SCHIP1: variants seen among roughly 807,000 people sequenced by gnomAD.
SCHIP1 encodes schwannomin interacting protein 1, also known as schwannomin-interacting protein 1.
A neutral mutation model predicts 29.7 loss-of-function variants in SCHIP1; 8 were observed. The ratio of observed to expected loss-of-function variants is 0.27; its 90% CI spans 0.16 to 0.49. SCHIP1 has a LOEUF of 0.49. Ranked by LOEUF, SCHIP1 falls within the 20% of genes least tolerant of loss-of-function variation. SCHIP1 has a pLI of 0.99. For missense variants in SCHIP1, 193 were observed against 294.6 expected (o/e 0.66, Z 2.52); for synonymous variants, 76 against 94.9 (o/e 0.80, Z 1.16).
chr3:159,824,494 T>C, the SCHIP1 span, among the ~76,000 whole-genome samples: 1 of 152,220 alleles, frequency 6.6e-6, no homozygotes, highest in Non-Finnish European at 1.5e-5. Flanking sequence ...TACACAGATA[T>C]AGCCATCAAA....
At chr3:159,565,604 A>C in the SCHIP1 span, among the ~76,000 whole-genome samples, 6 of 152,230 alleles carry the variant, frequency 3.9e-5, no homozygotes, top group African/African-American at 1.4e-4. Flanking sequence ...AAATGTTTTT[A>C]CACTAAGGAA....
At chr3:159,432,135 T>G in the SCHIP1 span, among the ~76,000 whole-genome samples, 5 of 152,096 alleles carry the variant, frequency 3.3e-5, no homozygotes, top group Admixed American at 2.0e-4. Context: ...AACGTTTGAC[T>G]GAGGCTGGAG....
chr3:159,398,503 T>C, the SCHIP1 span, among the ~76,000 whole-genome samples: 1 of 152,004 alleles, frequency 6.6e-6, no homozygotes, highest in Non-Finnish European at 1.5e-5. Context: ...TAAAAGTAAC[T>C]TTAGAAAAGT....
chr3:159,654,857 A>T, the SCHIP1 span, among the ~76,000 whole-genome samples: 1 of 151,816 alleles, frequency 6.6e-6, no homozygotes, highest in Non-Finnish European at 1.5e-5. Context: ...CAATCTGTAC[A>T]CATTCAAAGT....
the SCHIP1 span, among the ~76,000 whole-genome samples, chr3:159,339,712 G>A: frequency 6.6e-6 from 1 of 152,110 alleles, no homozygotes; most frequent in Non-Finnish European, 1.5e-5. Context: ...GTGAGGGCAC[G>A]TTGGAATTTA....
the SCHIP1 span, among the ~76,000 whole-genome samples, chr3:159,438,037 T>C: frequency 6.6e-6 from 1 of 152,146 alleles, no homozygotes; most frequent in Non-Finnish European, 1.5e-5. Flanking sequence ...ATTTCATATA[T>C]GTAAAGTGCT....
At chr3:159,682,029 C>T in the SCHIP1 span, among the ~76,000 whole-genome samples, 6 of 152,206 alleles carry the variant, frequency 3.9e-5, no homozygotes, top group Admixed American at 6.5e-5. Flanking sequence ...CACAGACCTT[C>T]CCCTGAGATA....
chr3:159,721,137 A>G, the SCHIP1 span, among the ~76,000 whole-genome samples: 1 of 152,222 alleles, frequency 6.6e-6, no homozygotes, highest in Admixed American at 6.5e-5. Flanking sequence ...CATTTCAAAT[A>G]TGTGAAAGTA....
At chr3:159,639,258 T>C in the SCHIP1 span, among the ~76,000 whole-genome samples, 4,424 of 152,248 alleles carry the variant, frequency 0.029, 143 homozygotes, top group East Asian at 0.17. Context: ...CTCATTTTTC[T>C]GTACCATTTA....
the SCHIP1 span, among the ~76,000 whole-genome samples, chr3:159,734,590 A>C: frequency 3.3e-5 from 5 of 152,120 alleles, no homozygotes; most frequent in African/African-American, 1.2e-4. Context: ...TCTGTGCCTC[A>C]GTTTCCAGCC....
chr3:159,613,838 TAAAAC>T, the SCHIP1 span, among the ~76,000 whole-genome samples: 1 of 152,222 alleles, frequency 6.6e-6, no homozygotes, highest in African/African-American at 2.4e-5. Context: ...TTTGATTACA[TAAAAC>T]AAAGCATTCC....
At chr3:159,869,759 G>C (rs1228132644) in intron 2 of SCHIP1, among the ~76,000 whole-genome samples, 1 of 151,412 alleles carries the variant, frequency 6.6e-6, no homozygotes, top group Non-Finnish European at 1.5e-5. Context: ...TTGGAATTTT[G>C]ACTGTAATTG....
At chr3:159,559,189 A>T in the SCHIP1 span, among the ~76,000 whole-genome samples, 1 of 152,130 alleles carries the variant, frequency 6.6e-6, no homozygotes, top group African/African-American at 2.4e-5. Flanking sequence ...ACTTCTCAAG[A>T]GTTAGAGACC....
At chr3:159,648,833 C>G in the SCHIP1 span, among the ~76,000 whole-genome samples, 7 of 152,190 alleles carry the variant, frequency 4.6e-5, no homozygotes, top group South Asian at 6.2e-4. Flanking sequence ...CCAAGTAACA[C>G]TGTTCACGGC....
chr3:159,396,722 A>T, the SCHIP1 span, among the ~76,000 whole-genome samples: 322 of 152,182 alleles, frequency 2.1e-3, no homozygotes, highest in African/African-American at 7.1e-3. Flanking sequence ...CTTTGAGGGT[A>T]ACCCGACCTT....
At chr3:159,296,536 G>T in the SCHIP1 span, among the ~76,000 whole-genome samples, 16 of 152,264 alleles carry the variant, frequency 1.1e-4, no homozygotes, top group African/African-American at 3.9e-4. Flanking sequence ...CATTTTGGGA[G>T]GCTGAGGTGG....
At chr3:159,629,349 A>G in the SCHIP1 span, among the ~76,000 whole-genome samples, 7 of 152,288 alleles carry the variant, frequency 4.6e-5, no homozygotes, top group African/African-American at 9.6e-5. Flanking sequence ...AGTCTTCTCC[A>G]TTTGCTTATT....
the SCHIP1 span, among the ~76,000 whole-genome samples, chr3:159,516,314 G>A: frequency 6.6e-6 from 1 of 152,090 alleles, no homozygotes; most frequent in African/African-American, 2.4e-5. Flanking sequence ...CTTTGGCCAA[G>A]TCTCTTCCTG....
the SCHIP1 span, among the ~76,000 whole-genome samples, chr3:159,692,022 T>C: frequency 1.4e-5 from 2 of 142,254 alleles, no homozygotes; most frequent in African/African-American, 5.3e-5. Flanking sequence ...TCTTTTTTTT[T>C]TTTTTTTTTT....
Sources: gnomAD v4.1 joint callset for allele counts (sites outside exome capture counted in the v4.1 genomes callset) on GRCh38, gnomAD v4.1.1 for gene constraint, MANE v1.5 for transcripts, NCBI Gene and HGNC (gene_info 2026-07-23, HGNC 2026-07-21) for gene names.